Variants in ENAH observed in about 807,000 individuals in gnomAD.
The protein encoded by ENAH is protein enabled homolog.
Under a neutral mutation model 78.7 loss-of-function variants are expected in ENAH, and 23 were observed. That is an observed-to-expected ratio of 0.29 (90% confidence interval 0.21 to 0.41). ENAH has a LOEUF of 0.41. ENAH is among the 10% of genes least tolerant of loss of function. The pLI is 1.00. For missense variants in ENAH, 544 were observed against 691.0 expected (o/e 0.79, Z 2.39); for synonymous variants, 226 against 241.0 (o/e 0.94, Z 0.58).
chr1:225,532,079 T>C (rs1272327446), intron 3 of ENAH, among the ~76,000 whole-genome samples: 2 of 152,084 alleles, frequency 1.3e-5, no homozygotes, highest in African/African-American at 2.4e-5. Context: ...CGTAAATGTT[T>C]GTATAAATGA....
At chr1:225,508,376 G>A (rs1221662932) in intron 10 of ENAH, 1 of 155,812 alleles carries the variant, frequency 6.4e-6, no homozygotes, top group Non-Finnish European at 1.4e-5. Context: ...TAATTAAAAT[G>A]GAATAGTATT....
At chr1:225,622,999 AC>A (rs1657277360) in intron 1 of ENAH, among the ~76,000 whole-genome samples, 1 of 152,168 alleles carries the variant, frequency 6.6e-6, no homozygotes, top group Non-Finnish European at 1.5e-5. Flanking sequence ...AGTTTACAGA[AC>A]CTTCTCAACT....
At chr1:225,616,862 G>A (rs1655811714) in intron 1 of ENAH, among the ~76,000 whole-genome samples, 1 of 152,164 alleles carries the variant, frequency 6.6e-6, no homozygotes, top group East Asian at 1.9e-4. Flanking sequence ...CACTTTGCGA[G>A]GCTGAGGCGG....
At chr1:225,613,062 T>C (rs1205101452) in intron 1 of ENAH, among the ~76,000 whole-genome samples, 5 of 152,206 alleles carry the variant, frequency 3.3e-5, no homozygotes, top group Non-Finnish European at 7.3e-5. Context: ...ATGTGTCCTA[T>C]GGTTTTGCTA....
chr1:225,526,156 C>T (rs946849949), intron 4 of ENAH, among the ~76,000 whole-genome samples: 1 of 152,096 alleles, frequency 6.6e-6, no homozygotes, highest in Admixed American at 6.6e-5. Flanking sequence ...AATTTCTTCA[C>T]GTTTTTGTTC....
intron 1 of ENAH, among the ~76,000 whole-genome samples, chr1:225,624,308 G>A (rs1657546263): frequency 6.6e-6 from 1 of 152,014 alleles, no homozygotes; most frequent in African/African-American, 2.4e-5. Flanking sequence ...GGTAGAGGAA[G>A]AAAAGGACAA....
intron 1 of ENAH, among the ~76,000 whole-genome samples, chr1:225,646,458 G>C (rs532845717): frequency 6.6e-6 from 1 of 152,058 alleles, no homozygotes; most frequent in African/African-American, 2.4e-5. Context: ...GCCAGGAAGA[G>C]AACCCTCACC....
intron 3 of ENAH, among the ~76,000 whole-genome samples, chr1:225,551,484 T>C (rs1355099095): frequency 6.6e-6 from 1 of 152,096 alleles, no homozygotes; most frequent in South Asian, 2.1e-4. Flanking sequence ...TTATTGGTTT[T>C]AGCACAAAAC....
intron 2 of ENAH, among the ~76,000 whole-genome samples, chr1:225,563,808 T>C (rs1235222735): frequency 6.6e-6 from 1 of 152,226 alleles, no homozygotes; most frequent in Admixed American, 6.5e-5. Flanking sequence ...TTCTCTACAA[T>C]GGTTGCATAA....
chr1:225,629,097 G>A (rs935222197), intron 1 of ENAH, among the ~76,000 whole-genome samples: 21 of 151,954 alleles, frequency 1.4e-4, no homozygotes, highest in African/African-American at 3.9e-4. Flanking sequence ...GGCCAACATG[G>A]TAAAACCCCA....
At position 225,565,906 on chromosome 1, in the gene ENAH, C is replaced by CA. The variant is rs549134540; in HGVS notation, c.171+1342dup. On this transcript the variant is annotated intron_variant, in intron 2 of 13. Transcript: ENST00000366843. Reference sequence around the variant, plus strand: ...AGGGGAGAGACAGACAGAAGGGAGCCAGAGAGGGCAGAAAGAGAGGCAGGC... The same window carrying CA: ...AGGGGAGAGACAGACAGAAGGGAGCCAAGAGAGGGCAGAAAGAGAGGCAGGC... Among the ~76,000 whole-genome samples, 47 of 152,162 alleles carry CA rather than the reference C, an allele frequency of 3.1e-4. 1 individual carries two copies. The South Asian group carries it at 9.8e-3, about 32-fold the overall frequency.
chr1:225,573,124 C>A (rs2096771721), intron 1 of ENAH, among the ~76,000 whole-genome samples: 1 of 152,124 alleles, frequency 6.6e-6, no homozygotes, highest in Non-Finnish European at 1.5e-5. Flanking sequence ...CTAAGGATTG[C>A]TAGGCTAGTC....
chr1:225,589,691 T>C (rs1458963673), intron 1 of ENAH, among the ~76,000 whole-genome samples: 2 of 152,152 alleles, frequency 1.3e-5, no homozygotes, highest in African/African-American at 2.4e-5. Context: ...ATGAAACCCA[T>C]AGGGGGCCAA....
At chr1:225,612,280 C>T (rs142210779) in intron 1 of ENAH, among the ~76,000 whole-genome samples, 15 of 152,292 alleles carry the variant, frequency 9.8e-5, no homozygotes, top group African/African-American at 2.9e-4. Flanking sequence ...TGCTATGACA[C>T]GGATGAACCC....
chr1:225,572,799 A>G (rs2096769939), intron 1 of ENAH, among the ~76,000 whole-genome samples: 1 of 152,250 alleles, frequency 6.6e-6, no homozygotes, highest in Admixed American at 6.5e-5. Context: ...CAGGCACTAA[A>G]TTAGTTATAA....
At chr1:225,540,272 G>A (rs547470127) in intron 3 of ENAH, among the ~76,000 whole-genome samples, 7 of 152,136 alleles carry the variant, frequency 4.6e-5, no homozygotes, top group South Asian at 2.1e-4. Flanking sequence ...ATTCCATAGC[G>A]TTCAAGATAA....
At chr1:225,511,664 T>C in intron 10 of ENAH, 147 bp downstream of exon 10, 1 of 513,236 alleles carries the variant, frequency 1.9e-6, no homozygotes, top group Non-Finnish European at 3.5e-6. Flanking sequence ...AGGAAAAAAG[T>C]GAATGCTTTC....
chr1:225,529,687 T>C (rs2096528322), intron 4 of ENAH, among the ~76,000 whole-genome samples: 1 of 152,110 alleles, frequency 6.6e-6, no homozygotes, highest in Non-Finnish European at 1.5e-5. Flanking sequence ...AGTGGAGGCA[T>C]CCATAACCCA....
In ENAH at chr1:225,543,142, C is replaced by T. The variant is rs563265847; in HGVS notation, c.349+11764G>A. Among the ~76,000 whole-genome samples the T allele has an allele frequency of 3.3e-5, 5 of 152,250 alleles. No homozygotes were observed. In the South Asian group the frequency reaches 8.3e-4, roughly 25 times the overall value. On this transcript the variant is annotated intron_variant, in intron 3 of 13. Transcript: ENST00000366843. Reference sequence around the variant, plus strand: ...CTACCATCTTCCTAGCAATATAAGGCTAATTCCATTAGTTATCTGCAGAAG... The same window carrying T: ...CTACCATCTTCCTAGCAATATAAGGTTAATTCCATTAGTTATCTGCAGAAG...
Sources: allele counts gnomAD v4.1 joint callset (sites outside exome capture counted in the v4.1 genomes callset), GRCh38; gene constraint gnomAD v4.1.1; transcripts MANE v1.5; gene names NCBI Gene and HGNC (gene_info 2026-07-23, HGNC 2026-07-21).